The following SIL1 variants were observed in gnomAD, a reference collection of about 807,000 sequenced individuals.
SIL1 encodes nucleotide exchange factor SIL1.
In SIL1, 40 loss-of-function variants were observed where a neutral mutation model predicts 49.1. The observed-to-expected ratio is 0.81, with a 90% CI of 0.63 to 1.06. The LOEUF (loss-of-function observed/expected upper bound fraction) is 1.06. Ranked by LOEUF, SIL1 falls within the 50% of genes least tolerant of loss-of-function variation. The pLI is 0.00. For synonymous variants in SIL1, 253 were observed against 250.8 expected (o/e 1.01, Z -0.08); for missense variants, 500 against 572.6 (o/e 0.87, Z 1.29).
chr5:139,181,088 C>T (rs1751974452), intron 1 of SIL1, among the ~76,000 whole-genome samples: 1 of 152,162 alleles, frequency 6.6e-6, no homozygotes, highest in Non-Finnish European at 1.5e-5. Flanking sequence ...ATTATAATAA[C>T]ATTATTGTGC....
At position 139,013,761 on chromosome 5, in the gene SIL1, A is replaced by T. The variant is rs145298536; in HGVS notation, c.767+7410T>A. Reference sequence around the variant, plus strand: ...GAAATGTGCTATTTGATAGATTGAGAAGTCTCCCAGTGCTGTTTTGCTTTG... The same window carrying T: ...GAAATGTGCTATTTGATAGATTGAGTAGTCTCCCAGTGCTGTTTTGCTTTG... On this transcript the variant is annotated intron_variant, in intron 7 of 9. Coordinates refer to ENST00000394817, the MANE Select transcript of SIL1 (RefSeq NM_022464.5). 3.3e-5 allele frequency: 5 copies of T among 152,342 alleles called. No individual in the cohort carries two copies. The East Asian group carries it at 9.6e-4, about 29-fold the overall frequency. The allele number at this position is 152,342 out of a possible 1,614,324, so 9.4% of individuals were successfully genotyped here. A position where few individuals can be genotyped will look rare whatever the true frequency, so the allele number is the denominator to read the frequency against.
In SIL1 at chr5:138,988,642, C is replaced by T. The variant is rs1256030694; in HGVS notation, c.767+32529G>A. On this transcript the variant is annotated intron_variant, in intron 7 of 9. Transcript: ENST00000394817. ...TATCTCCTAAGAAGCTCTTTATGGACTGATAAAGAATGATATTCAAGATAC... is the reference window on the plus strand; with the variant it reads ...TATCTCCTAAGAAGCTCTTTATGGATTGATAAAGAATGATATTCAAGATAC... Among the ~76,000 whole-genome samples, 4 of 152,174 alleles carry T rather than the reference C, an allele frequency of 2.6e-5. No individual in the cohort carries two copies. In the East Asian group the frequency reaches 7.7e-4, roughly 29 times the overall value.
chr5:139,191,176 G>A (rs576065330), intron 1 of SIL1, among the ~76,000 whole-genome samples: 1 of 139,966 alleles, frequency 7.1e-6, no homozygotes, highest in Non-Finnish European at 1.5e-5. Context: ...AGGTTGCAGT[G>A]AGCCAAGATC....
At chr5:138,979,309 C>T (rs57552753) in intron 7 of SIL1, among the ~76,000 whole-genome samples, 9,228 of 152,106 alleles carry the variant, frequency 0.061, 373 homozygotes, top group South Asian at 0.12. Flanking sequence ...ATGATCTGCC[C>T]GCCTTGGCCT....
Position 139,161,484 on chromosome 5 carries a change from C to T in SIL1, c.-10-33631G>A, listed in dbSNP as rs1009569837. ...AGACATGAGTAGAGACCAGTATCTG[C>T]AGGGCTACAGTTCTCAACACACAAA... On this transcript the variant is annotated intron_variant, in intron 1 of 9. Transcript: ENST00000394817. Among the ~76,000 whole-genome samples the T allele has an allele frequency of 2.1e-4, 32 of 152,286 alleles. No homozygotes were observed. The East Asian group carries it at 3.3e-3, about 16-fold the overall frequency.
intron 3 of SIL1, among the ~76,000 whole-genome samples, chr5:139,091,710 TA>T (rs1249545246): frequency 6.6e-6 from 1 of 152,124 alleles, no homozygotes; most frequent in Admixed American, 6.6e-5. Flanking sequence ...AGCCTGGAAG[TA>T]GATTCTTTTC....
At chr5:139,040,079 T>A (rs1430748899) in intron 5 of SIL1, among the ~76,000 whole-genome samples, 1 of 152,196 alleles carries the variant, frequency 6.6e-6, no homozygotes, top group African/African-American at 2.4e-5. Context: ...ATTGTCTATA[T>A]AAATCACAAA....
At chr5:139,184,306 C>T (rs1752041034) in intron 1 of SIL1, among the ~76,000 whole-genome samples, 2 of 152,200 alleles carry the variant, frequency 1.3e-5, no homozygotes, top group Non-Finnish European at 1.5e-5. Context: ...CACAGCCCTA[C>T]TCTGGCTAGC....
intron 1 of SIL1, among the ~76,000 whole-genome samples, chr5:139,134,193 C>T (rs896879476): frequency 2.6e-5 from 4 of 152,248 alleles, no homozygotes; most frequent in African/African-American, 9.6e-5. Context: ...TCTCAGCTCA[C>T]TGCAACCTCT....
At chr5:139,071,214 G>T (rs1769827017) in intron 3 of SIL1, among the ~76,000 whole-genome samples, 1 of 149,018 alleles carries the variant, frequency 6.7e-6, no homozygotes. Context: ...AAAAAAAGCA[G>T]GGGGTGGGGG....
chr5:139,065,414 A>G (rs546367013), intron 3 of SIL1, among the ~76,000 whole-genome samples: 2 of 152,378 alleles, frequency 1.3e-5, no homozygotes, highest in South Asian at 4.1e-4. Flanking sequence ...CCAGCTGGCA[A>G]CAAGGAAGAA....
intron 1 of SIL1, among the ~76,000 whole-genome samples, chr5:139,130,610 G>T (rs1033679621): frequency 6.6e-6 from 1 of 152,012 alleles, no homozygotes; most frequent in Non-Finnish European, 1.5e-5. Flanking sequence ...CATATGTCCC[G>T]GCAATTCCAC....
intron 1 of SIL1, among the ~76,000 whole-genome samples, chr5:139,150,975 G>A (rs1236699551): frequency 1.3e-5 from 2 of 152,142 alleles, no homozygotes; most frequent in African/African-American, 4.8e-5. Flanking sequence ...CCCTCCCTTG[G>A]CATAAGGAAA....
chr5:139,126,747 C>A (rs750948334), intron 2 of SIL1, among the ~76,000 whole-genome samples: 8 of 152,244 alleles, frequency 5.3e-5, no homozygotes, highest in Non-Finnish European at 1.2e-4. Context: ...CAAATGATTT[C>A]AGAGAGAAGG....
intron 5 of SIL1, among the ~76,000 whole-genome samples, chr5:139,030,149 T>C (rs1373118091): frequency 2.6e-5 from 4 of 151,738 alleles, no homozygotes; most frequent in Non-Finnish European, 5.9e-5. Flanking sequence ...AAACCCTGTG[T>C]CTACAAAAAA....
At chr5:139,151,200 A>G (rs1013903521) in intron 1 of SIL1, among the ~76,000 whole-genome samples, 2 of 152,184 alleles carry the variant, frequency 1.3e-5, no homozygotes, top group South Asian at 2.1e-4. Context: ...GAAAAAATAT[A>G]TGTTGAATGA....
chr5:139,165,879 G>A (rs2151812658), intron 1 of SIL1, among the ~76,000 whole-genome samples: 1 of 150,922 alleles, frequency 6.6e-6, no homozygotes, highest in East Asian at 2.0e-4. Context: ...TAGCCAGGAT[G>A]GTCTCGATCT....
At chr5:139,085,252 G>A (rs983344229) in intron 3 of SIL1, among the ~76,000 whole-genome samples, 2 of 152,162 alleles carry the variant, frequency 1.3e-5, no homozygotes, top group African/African-American at 4.8e-5. Context: ...AGAAAATGAA[G>A]TGAGTGTGTA....
intron 1 of SIL1, among the ~76,000 whole-genome samples, chr5:139,139,906 A>T (rs567827296): frequency 6.4e-4 from 98 of 152,312 alleles, no homozygotes; most frequent in African/African-American, 2.2e-3. Flanking sequence ...AGGCAGGTGG[A>T]TCACCCGAGG....
Sources: allele counts gnomAD v4.1 joint callset (sites outside exome capture counted in the v4.1 genomes callset), GRCh38; gene constraint gnomAD v4.1.1; transcripts MANE v1.5; gene names NCBI Gene and HGNC (gene_info 2026-07-23, HGNC 2026-07-21).